LCLAT1: variants seen among roughly 807,000 people sequenced by gnomAD.
The protein encoded by LCLAT1 is 1-AGP acyltransferase 8.
A neutral mutation model predicts 30.7 loss-of-function variants in LCLAT1; 11 were observed. That is an observed-to-expected ratio of 0.36 (90% CI 0.23 to 0.59). LCLAT1 has a LOEUF of 0.59. Among genes scored for constraint, LCLAT1 ranks in the 20% least tolerant of loss-of-function variants. The pLI, the probability that LCLAT1 is intolerant of heterozygous loss-of-function variation, is 0.77. For synonymous variants in LCLAT1, 155 were observed against 151.3 expected (o/e 1.02, Z -0.18); for missense variants, 402 against 458.6 (o/e 0.88, Z 1.13).
chr2:30,516,642 T>G (rs1342477563), intron 1 of LCLAT1, among the ~76,000 whole-genome samples: 1 of 152,114 alleles, frequency 6.6e-6, no homozygotes, highest in Non-Finnish European at 1.5e-5. Flanking sequence ...GCAAAAGGCT[T>G]GCTGCTATCT....
At chr2:30,454,000 G>C (rs759459157) in intron 1 of LCLAT1, among the ~76,000 whole-genome samples, 1 of 152,206 alleles carries the variant, frequency 6.6e-6, no homozygotes, top group African/African-American at 2.4e-5. Context: ...TTCAGAGTCT[G>C]TGCTCTTAAT....
chr2:30,547,383 A>C (rs1572606708), intron 3 of LCLAT1, among the ~76,000 whole-genome samples: 4 of 152,276 alleles, frequency 2.6e-5, no homozygotes, highest in Admixed American at 2.6e-4. Flanking sequence ...CATATTACTT[A>C]ATAACTAAAG....
chr2:30,534,497 C>G (rs1686143962), intron 3 of LCLAT1, among the ~76,000 whole-genome samples: 1 of 152,188 alleles, frequency 6.6e-6, no homozygotes, highest in Non-Finnish European at 1.5e-5. Flanking sequence ...CCAGGATGGT[C>G]TTGATCTCCT....
intron 1 of LCLAT1, among the ~76,000 whole-genome samples, chr2:30,458,671 G>C (rs183547211): frequency 3.1e-4 from 47 of 152,246 alleles, no homozygotes; most frequent in Non-Finnish European, 2.6e-4. Flanking sequence ...AATATACCTG[G>C]TGAACTGGTT....
chr2:30,608,717 A>G (rs1667586460), intron 5 of LCLAT1, among the ~76,000 whole-genome samples: 1 of 152,124 alleles, frequency 6.6e-6, no homozygotes, highest in South Asian at 2.1e-4. Context: ...GTCATAGACT[A>G]TATACTGTCT....
chr2:30,585,666 T>C (rs1666401834), intron 5 of LCLAT1, among the ~76,000 whole-genome samples: 3 of 152,218 alleles, frequency 2.0e-5, no homozygotes, highest in African/African-American at 7.2e-5. Context: ...ATAATCATCC[T>C]TCTGTGTTCA....
intron 1 of LCLAT1, among the ~76,000 whole-genome samples, chr2:30,470,687 A>C (rs998097411): frequency 6.6e-6 from 1 of 152,134 alleles, no homozygotes; most frequent in African/African-American, 2.4e-5. Flanking sequence ...TAAGTTTTGA[A>C]ATTAGGAAGT....
chr2:30,460,469 C>T (rs1436027386), intron 1 of LCLAT1, among the ~76,000 whole-genome samples: 1 of 152,092 alleles, frequency 6.6e-6, no homozygotes, highest in Non-Finnish European at 1.5e-5. Context: ...GTTTTTTCTC[C>T]TGATCTTTAT....
At chr2:30,478,469 T>C (rs529096890) in intron 1 of LCLAT1, among the ~76,000 whole-genome samples, 1 of 152,292 alleles carries the variant, frequency 6.6e-6, no homozygotes, top group African/African-American at 2.4e-5. Flanking sequence ...CAAAATTTTA[T>C]TTGACTGTAG....
chr2:30,572,275 G>A (rs1665811702), intron 5 of LCLAT1, among the ~76,000 whole-genome samples: 2 of 152,136 alleles, frequency 1.3e-5, no homozygotes, highest in Non-Finnish European at 2.9e-5. Context: ...TAATGAAAAA[G>A]GATAGAAGCC....
At chr2:30,502,713 CT>C (rs67019077) in intron 1 of LCLAT1, among the ~76,000 whole-genome samples, 73,572 of 151,938 alleles carry the variant, frequency 0.48, 19,111 homozygotes, top group Non-Finnish European at 0.58. Context: ...TCATCTCTCT[CT>C]TTTTTTTAGT....
At chr2:30,536,563 A>G (rs926745075) in intron 3 of LCLAT1, among the ~76,000 whole-genome samples, 1 of 152,252 alleles carries the variant, frequency 6.6e-6, no homozygotes, top group South Asian at 2.1e-4. Context: ...AAGGAGACAT[A>G]GTCTTTCCAG....
intron 5 of LCLAT1, among the ~76,000 whole-genome samples, chr2:30,602,834 C>T (rs1345004641): frequency 6.6e-6 from 1 of 152,138 alleles, no homozygotes; most frequent in African/African-American, 2.4e-5. Context: ...GCCCTGGCTT[C>T]CCATCCCTGT....
At chr2:30,542,188 C>A (rs1664174628) in intron 3 of LCLAT1, among the ~76,000 whole-genome samples, 1 of 152,036 alleles carries the variant, frequency 6.6e-6, no homozygotes, top group South Asian at 2.1e-4. Flanking sequence ...TTTTTTTAAA[C>A]CTGTCTTTCA....
intron 1 of LCLAT1, among the ~76,000 whole-genome samples, chr2:30,481,888 GTAGGAACT>G (rs1683341173): frequency 6.6e-6 from 1 of 152,210 alleles, no homozygotes; most frequent in Admixed American, 6.5e-5. Flanking sequence ...ATAAATGGCT[GTAGGAACT>G]TAGTATTGGC....
At chr2:30,636,570 C>T (rs1447838967) in intron 5 of LCLAT1, among the ~76,000 whole-genome samples, 1 of 152,120 alleles carries the variant, frequency 6.6e-6, no homozygotes, top group Non-Finnish European at 1.5e-5. Flanking sequence ...ACACTCGGTG[C>T]TGCCATGAAT....
intron 1 of LCLAT1, among the ~76,000 whole-genome samples, chr2:30,462,233 A>G (rs1053489358): frequency 9.9e-5 from 15 of 152,190 alleles, no homozygotes; most frequent in Non-Finnish European, 1.8e-4. Flanking sequence ...ACAAAAGAAA[A>G]CAAGCACCTA....
chr2:30,508,747 G>A (rs1684797420), intron 1 of LCLAT1, among the ~76,000 whole-genome samples: 1 of 151,866 alleles, frequency 6.6e-6, no homozygotes, highest in Admixed American at 6.5e-5. Context: ...AGAGCTCTTT[G>A]GGCTCTTTTT....
chr2:30,478,770 C>T (rs1683174052), intron 1 of LCLAT1, among the ~76,000 whole-genome samples: 1 of 152,164 alleles, frequency 6.6e-6, no homozygotes, highest in Non-Finnish European at 1.5e-5. Context: ...AAGTAACTTT[C>T]ATAACCAGAA....
Sources: gnomAD v4.1 joint callset for allele counts (sites outside exome capture counted in the v4.1 genomes callset) on GRCh38, gnomAD v4.1.1 for gene constraint, MANE v1.5 for transcripts, NCBI Gene and HGNC (gene_info 2026-07-23, HGNC 2026-07-21) for gene names.